CGGBP1: variants seen among roughly 807,000 people sequenced by gnomAD.
The protein encoded by CGGBP1 is CGG triplet repeat-binding protein 1.
In CGGBP1, 4 loss-of-function variants were observed where a neutral mutation model predicts 11.4. The observed-to-expected ratio is 0.35, with a 90% CI of 0.17 to 0.80. The LOEUF is 0.80. Among genes scored for constraint, CGGBP1 ranks in the 30% least tolerant of loss-of-function variants. The probability of loss-of-function intolerance (pLI) is 0.52; values close to 1 mark genes in which losing one functional copy is unlikely to be tolerated. For synonymous variants in CGGBP1, 76 were observed against 74.1 expected, an observed-to-expected ratio of 1.03 and a Z score of -0.13; for missense variants, 135 against 202.1, an observed-to-expected ratio of 0.67 and a Z score of 2.01.
rs149044549 is a variant in CGGBP1 at position 88,054,498 on chromosome 3, T to A, written c.*975A>T. The A allele has an allele frequency of 1.3e-5, 2 of 152,178 alleles. No homozygotes were observed. Among genetic ancestry groups the A allele is most frequent in the African/African-American group, 4.8e-5 (2 of 41,452 alleles). 9.4% of individuals were successfully genotyped at this position (152,178 alleles called of 1,614,324 possible). Reference sequence around the variant, plus strand: ...ACCACCAGAGGCAAAGCAGATAAAGTAAACTTGTTTCTAGTCTAGACTATT... The same window carrying A: ...ACCACCAGAGGCAAAGCAGATAAAGAAAACTTGTTTCTAGTCTAGACTATT... On this transcript the variant is annotated 3_prime_UTR_variant, in exon 4 of 4. Coordinates refer to ENST00000482016, the MANE Select transcript of CGGBP1 (RefSeq NM_001008390.2).
intron 2 of CGGBP1, chr3:88,140,060 A>G: frequency 6.2e-7 from 1 of 1,613,786 alleles, no homozygotes; most frequent in Non-Finnish European, 8.5e-7. Context: ...GGCAATTTGA[A>G]GATTCTCAAC....
intron 2 of CGGBP1, chr3:88,095,734 G>C (rs1021241910): frequency 4.6e-5 from 18 of 389,046 alleles, no homozygotes; most frequent in African/African-American, 3.5e-4. Flanking sequence ...TTCTCCCCAG[G>C]CTTGTTATTT....
intron 2 of CGGBP1, among the ~76,000 whole-genome samples, chr3:88,131,580 A>C (rs1218855835): frequency 6.6e-6 from 1 of 151,958 alleles, no homozygotes; most frequent in Non-Finnish European, 1.5e-5. Context: ...ACCCATTTCT[A>C]CTCTTTAGGG....
At chr3:88,078,813 T>C (rs549822151) in intron 2 of CGGBP1, among the ~76,000 whole-genome samples, 1 of 152,218 alleles carries the variant, frequency 6.6e-6, no homozygotes, top group African/African-American at 2.4e-5. Context: ...ATTAGTATTA[T>C]TAACTGACTT....
At chr3:88,084,860 G>A (rs1230037156) in intron 2 of CGGBP1, among the ~76,000 whole-genome samples, 1 of 152,170 alleles carries the variant, frequency 6.6e-6, no homozygotes, top group African/African-American at 2.4e-5. Context: ...GCTACACTTA[G>A]TAGGTTTTCA....
chr3:88,054,699 A>G lies in CGGBP1; in HGVS notation c.*774T>C, dbSNP rs1053161728. On this transcript the variant is annotated 3_prime_UTR_variant, in exon 4 of 4. Transcript: ENST00000482016. ...GAAATCTTTTAACACCAAGACATAGAAAAAAGTTTAGAAATTCAAGATGAT... is the reference window on the plus strand; with the variant it reads ...GAAATCTTTTAACACCAAGACATAGGAAAAAGTTTAGAAATTCAAGATGAT... 4 of 152,662 alleles carry G rather than the reference A, an allele frequency of 2.6e-5. No homozygotes were observed. Among genetic ancestry groups the G allele is most frequent in the Non-Finnish European group, 5.9e-5 (4 of 68,026 alleles). 9.5% of individuals were successfully genotyped at this position (152,662 alleles called of 1,614,324 possible).
chr3:88,123,253 T>C (rs1705890278), intron 2 of CGGBP1, among the ~76,000 whole-genome samples: 2 of 152,162 alleles, frequency 1.3e-5, no homozygotes, highest in East Asian at 3.9e-4. Context: ...GAAATCTTTA[T>C]TTCATCTGTT....
intron 2 of CGGBP1, chr3:88,129,810 G>T (rs1706338240): frequency 1.3e-6 from 2 of 1,512,358 alleles, no homozygotes; most frequent in South Asian, 1.2e-5. Flanking sequence ...CCAGAATGGG[G>T]ATATGTACTG....
intron 1 of CGGBP1, chr3:88,142,573 TAGTA>T (rs1214257377): frequency 1.3e-5 from 2 of 149,766 alleles, no homozygotes; most frequent in Non-Finnish European, 2.9e-5. Flanking sequence ...TGATGATTCA[TAGTA>T]AGGTCCTTTA....
chr3:88,074,015 G>A (rs1707661609), intron 2 of CGGBP1, among the ~76,000 whole-genome samples: 1 of 152,118 alleles, frequency 6.6e-6, no homozygotes, highest in Non-Finnish European at 1.5e-5. Flanking sequence ...TTCCTTTCCA[G>A]TTTTAATTTG....
chr3:88,100,633 A>C (rs1009159326), intron 2 of CGGBP1, among the ~76,000 whole-genome samples: 4 of 152,222 alleles, frequency 2.6e-5, no homozygotes, highest in African/African-American at 9.6e-5. Flanking sequence ...TGCAGCCATA[A>C]AAAGGATGAG....
intron 2 of CGGBP1, among the ~76,000 whole-genome samples, chr3:88,137,685 A>G (rs1706881020): frequency 6.6e-6 from 1 of 152,322 alleles, no homozygotes; most frequent in East Asian, 1.9e-4. Flanking sequence ...TTCAGATTAG[A>G]ACTGATTCTC....
intron 2 of CGGBP1, among the ~76,000 whole-genome samples, chr3:88,098,420 C>G (rs1704193532): frequency 6.6e-6 from 1 of 152,188 alleles, no homozygotes; most frequent in Non-Finnish European, 1.5e-5. Flanking sequence ...GAGCTGGTAT[C>G]ATTCGTTCTC....
intron 2 of CGGBP1, among the ~76,000 whole-genome samples, chr3:88,096,329 CAA>C (rs1261982803): frequency 2.0e-5 from 3 of 151,996 alleles, no homozygotes; most frequent in Non-Finnish European, 4.4e-5. Context: ...AGCCCACAGA[CAA>C]GAGATGGTTG....
At chr3:88,095,002 C>T (rs1703976007) in intron 2 of CGGBP1, among the ~76,000 whole-genome samples, 1 of 152,122 alleles carries the variant, frequency 6.6e-6, no homozygotes, top group Non-Finnish European at 1.5e-5. Context: ...GGAAGAATTT[C>T]TTCCAAGTTT....
chr3:88,068,495 A>G (rs982625953), intron 2 of CGGBP1, among the ~76,000 whole-genome samples: 2 of 152,194 alleles, frequency 1.3e-5, no homozygotes, highest in Non-Finnish European at 2.9e-5. Flanking sequence ...GTTAATATGT[A>G]TTTCTACAAC....
intron 2 of CGGBP1, among the ~76,000 whole-genome samples, chr3:88,079,183 G>A (rs1431289755): frequency 2.0e-5 from 3 of 152,042 alleles, no homozygotes; most frequent in Non-Finnish European, 4.4e-5. Flanking sequence ...GTCAAAAACA[G>A]GGAGATGATA....
At chr3:88,110,698 T>C (rs1705037125) in intron 2 of CGGBP1, among the ~76,000 whole-genome samples, 1 of 152,080 alleles carries the variant, frequency 6.6e-6, no homozygotes, top group Non-Finnish European at 1.5e-5. Context: ...AGGAGAGCTA[T>C]ACAAGTTGAT....
At chr3:88,076,745 T>C (rs1175019833) in intron 2 of CGGBP1, among the ~76,000 whole-genome samples, 1 of 152,228 alleles carries the variant, frequency 6.6e-6, no homozygotes, top group Non-Finnish European at 1.5e-5. Context: ...GACGGAAGCA[T>C]TTAATATATT....
Sources: gnomAD v4.1 joint callset for allele counts (sites outside exome capture counted in the v4.1 genomes callset) on GRCh38, gnomAD v4.1.1 for gene constraint, MANE v1.5 for transcripts, NCBI Gene and HGNC (gene_info 2026-07-23, HGNC 2026-07-21) for gene names.